Variants in HLCS observed in about 807,000 individuals in gnomAD.
HLCS encodes holocarboxylase synthetase.
A neutral mutation model predicts 75.0 loss-of-function variants in HLCS; 53 were observed. That is an observed-to-expected ratio of 0.71 (90% confidence interval 0.57 to 0.89). HLCS has a LOEUF of 0.89. Ranked by LOEUF, HLCS falls within the 40% of genes least tolerant of loss-of-function variation. HLCS has a pLI of 0.00. For missense variants in HLCS, 966 were observed against 1,074.0 expected (o/e 0.90, Z 1.41); for synonymous variants, 431 against 428.6 (o/e 1.01, Z -0.07).
intron 4 of HLCS, among the ~76,000 whole-genome samples, chr21:36,931,283 C>CA (rs57829948): frequency 0.049 from 3,701 of 75,228 alleles, 206 homozygotes; most frequent in East Asian, 0.11. Flanking sequence ...AACTCCATCG[C>CA]AAAAAAAAAA....
At chr21:36,907,179 T>C (rs2065495867) in intron 5 of HLCS, among the ~76,000 whole-genome samples, 1 of 152,132 alleles carries the variant, frequency 6.6e-6, no homozygotes, top group African/African-American at 2.4e-5. Flanking sequence ...TAACTTGAAA[T>C]AAATCATAGA....
intron 6 of HLCS, among the ~76,000 whole-genome samples, chr21:36,884,735 G>C (rs967499584): frequency 6.6e-6 from 1 of 152,092 alleles, no homozygotes; most frequent in Non-Finnish European, 1.5e-5. Context: ...ATAAAACAGA[G>C]GCATTTGACA....
chr21:36,820,417 GC>G (rs780579203), intron 6 of HLCS, among the ~76,000 whole-genome samples: 3 of 152,220 alleles, frequency 2.0e-5, no homozygotes, highest in Admixed American at 1.3e-4. Context: ...GCCCCAGGAA[GC>G]CCCCCTCCCC....
At chr21:36,818,089 C>T (rs959150881) in intron 6 of HLCS, among the ~76,000 whole-genome samples, 4 of 152,254 alleles carry the variant, frequency 2.6e-5, no homozygotes, top group South Asian at 2.1e-4. Context: ...ATGAGATCAG[C>T]CTAGGATCAT....
intron 2 of HLCS, among the ~76,000 whole-genome samples, chr21:36,942,562 C>G (rs1351680773): frequency 1.3e-5 from 2 of 152,070 alleles, no homozygotes; most frequent in African/African-American, 4.8e-5. Flanking sequence ...ATTGTCATGA[C>G]TTTTGATCAA....
In HLCS at chr21:36,938,858, T is replaced by C; in HGVS notation, c.467A>G (p.Asn156Ser). 1.2e-6 allele frequency: 2 copies of C among 1,614,142 alleles called. No individual in the cohort carries two copies. Among genetic ancestry groups the C allele is most frequent in the Non-Finnish European group, 1.7e-6 (2 of 1,180,028 alleles). ...CACAATCTTTTGGGGTACCAGTCCATTATCCATGTGGAGTCTATCTTCCAT... is the reference window on the plus strand; with the variant it reads ...CACAATCTTTTGGGGTACCAGTCCACTATCCATGTGGAGTCTATCTTCCAT... ...AFMEDRLHMDNGLVPQKIVSV... is the reference protein window; with the variant it reads ...AFMEDRLHMDSGLVPQKIVSV... The change falls in exon 3 of 11, where the codon AAT becomes AGT. Residue 156 changes from asparagine to serine, a missense_variant. Transcript: ENST00000674895.
intron 6 of HLCS, among the ~76,000 whole-genome samples, chr21:36,847,254 T>C (rs554377955): frequency 6.0e-4 from 92 of 152,336 alleles, no homozygotes; most frequent in African/African-American, 2.0e-3. Context: ...TTGGAGGGCA[T>C]AAATCCTTTT....
chr21:36,815,702 C>T (rs541920354), intron 6 of HLCS, among the ~76,000 whole-genome samples: 18 of 152,192 alleles, frequency 1.2e-4, no homozygotes, highest in Admixed American at 4.6e-4. Context: ...GATGTGTGTA[C>T]CTATATACAC....
intron 6 of HLCS, among the ~76,000 whole-genome samples, chr21:36,788,415 C>T (rs909781771): frequency 2.6e-5 from 4 of 152,234 alleles, no homozygotes; most frequent in African/African-American, 7.2e-5. Context: ...CCTACTGTTA[C>T]ACACTGGCCC....
intron 6 of HLCS, among the ~76,000 whole-genome samples, chr21:36,817,660 T>C (rs2145986623): frequency 6.6e-6 from 1 of 152,336 alleles, no homozygotes; most frequent in African/African-American, 2.4e-5. Flanking sequence ...AACTTTACGT[T>C]AGAGACATCC....
At chr21:36,794,988 A>C (rs1297054319) in intron 6 of HLCS, among the ~76,000 whole-genome samples, 1 of 152,058 alleles carries the variant, frequency 6.6e-6, no homozygotes, top group African/African-American at 2.4e-5. Context: ...GAATCCAAGC[A>C]GAAGTCTGGA....
intron 6 of HLCS, among the ~76,000 whole-genome samples, chr21:36,823,521 A>C (rs1323535905): frequency 6.6e-6 from 1 of 152,100 alleles, no homozygotes; most frequent in Non-Finnish European, 1.5e-5. Context: ...GAATCCTTCC[A>C]TGTACTCTGC....
intron 6 of HLCS, among the ~76,000 whole-genome samples, chr21:36,796,296 A>C (rs1246411418): frequency 1.3e-5 from 2 of 152,180 alleles, no homozygotes; most frequent in African/African-American, 2.4e-5. Context: ...TTAACATCAG[A>C]AAAATGTATC....
intron 1 of HLCS, chr21:36,972,324 A>C (rs2068813391): frequency 6.6e-6 from 1 of 152,136 alleles, no homozygotes; most frequent in African/African-American, 2.4e-5. Flanking sequence ...TTTTTTTATT[A>C]TTATTTTAAA....
intron 5 of HLCS, among the ~76,000 whole-genome samples, chr21:36,916,148 A>T (rs188799215): frequency 2.8e-4 from 42 of 152,144 alleles, no homozygotes; most frequent in South Asian, 4.1e-4. Context: ...ACCTAAAAAA[A>T]ATCTTATGGA....
chr21:36,784,311 CTTTT>C (rs34045793), intron 6 of HLCS, among the ~76,000 whole-genome samples: 18 of 130,620 alleles, frequency 1.4e-4, no homozygotes, highest in South Asian at 5.2e-4. Context: ...AATACCACCT[CTTTT>C]TTTTTTTTTT....
chr21:36,763,101 C>A (rs548137138), intron 8 of HLCS, among the ~76,000 whole-genome samples: 1 of 152,138 alleles, frequency 6.6e-6, no homozygotes, highest in Non-Finnish European at 1.5e-5. Context: ...CTCGGCTCAC[C>A]GCAACCTCTG....
intron 6 of HLCS, among the ~76,000 whole-genome samples, chr21:36,818,253 C>T (rs903550099): frequency 1.3e-5 from 2 of 152,204 alleles, no homozygotes; most frequent in Non-Finnish European, 1.5e-5. Context: ...ACTTCTGTGG[C>T]ATGGCTAATG....
chr21:36,985,140 A>G (rs1275024529), intron 1 of HLCS, among the ~76,000 whole-genome samples: 1 of 152,240 alleles, frequency 6.6e-6, no homozygotes, highest in African/African-American at 2.4e-5. Context: ...TAACACTGCA[A>G]TATTCAGATT....
Sources: gnomAD v4.1 joint callset for allele counts (sites outside exome capture counted in the v4.1 genomes callset) on GRCh38, gnomAD v4.1.1 for gene constraint, MANE v1.5 for transcripts, NCBI Gene and HGNC (gene_info 2026-07-23, HGNC 2026-07-21) for gene names.